Variants in FAM227B observed in about 807,000 individuals in gnomAD.
FAM227B encodes the protein protein FAM227B.
A neutral mutation model predicts 73.8 loss-of-function variants in FAM227B; 88 were observed. The observed-to-expected ratio is 1.19, with a 90% CI of 1.00 to 1.42. The LOEUF (loss-of-function observed/expected upper bound fraction) is 1.42, where lower values mean the gene tolerates loss of function less well. Ranked by LOEUF, FAM227B falls within the 40% of genes most tolerant of loss-of-function variation. The probability of loss-of-function intolerance (pLI) is 0.00; values close to 1 mark genes in which losing one functional copy is unlikely to be tolerated. For missense variants in FAM227B, 632 were observed against 590.9 expected (o/e 1.07, Z -0.72); for synonymous variants, 210 against 190.5 (o/e 1.10, Z -0.84).
rs760312729 is a variant in FAM227B at position 49,327,901 on chromosome 15, CCCT to C, written c.*664_*666del. ...TGTGTTCTACAAACACCAAGCAAAT[CCCT>C]TGTATTTTCATTTATAGGTTCTAAT... On this transcript the variant is annotated 3_prime_UTR_variant, in exon 16 of 16. Transcript: ENST00000299338. The C allele has an allele frequency of 6.5e-7, 1 of 1,549,240 alleles. No individual in the cohort carries two copies. Among genetic ancestry groups the C allele is most frequent in the African/African-American group, 1.4e-5 (1 of 72,950 alleles).
chr15:49,419,610 T>C (rs1315167364), intron 11 of FAM227B, among the ~76,000 whole-genome samples: 1 of 152,162 alleles, frequency 6.6e-6, no homozygotes, highest in Non-Finnish European at 1.5e-5. Context: ...CATATTATAA[T>C]GGCTTCCTAT....
intron 11 of FAM227B, among the ~76,000 whole-genome samples, chr15:49,383,602 C>G (rs1432914618): frequency 6.6e-6 from 1 of 151,882 alleles, no homozygotes; most frequent in Admixed American, 6.6e-5. Flanking sequence ...TGTAAAAATT[C>G]AAAAGTCCTG....
intron 11 of FAM227B, among the ~76,000 whole-genome samples, chr15:49,371,856 T>A (rs937879555): frequency 1.4e-5 from 2 of 142,700 alleles, no homozygotes; most frequent in Non-Finnish European, 3.1e-5. Flanking sequence ...AAAATTCACT[T>A]ATAAATAAAT....
chr15:49,439,567 A>G (rs2051436859), intron 11 of FAM227B, among the ~76,000 whole-genome samples: 1 of 151,798 alleles, frequency 6.6e-6, no homozygotes, highest in African/African-American at 2.4e-5. Context: ...CTAAGTACAC[A>G]TAAAATTAAG....
Position 49,589,908 on chromosome 15 carries a change from G to T in FAM227B, c.205C>A (p.His69Asn). 6.3e-7 allele frequency: 1 copy of T among 1,590,198 alleles called. No homozygotes were observed. The highest frequency in any genetic ancestry group is 8.6e-7 in the Non-Finnish European group (1 of 1,158,312). Residue 69 changes from histidine to asparagine, a missense_variant, in exon 4 of 16, where the codon CAC becomes AAC. Coordinates refer to ENST00000299338, the MANE Select transcript of FAM227B (RefSeq NM_152647.3). ...EDSSFVSIYT[H>N]LWENVPRIFE... ...ATTCGAGGAACATTTTCCCATAGGT[G>T]TGTATAAATTGAAACAAATGAACTA...
chr15:49,431,953 T>C (rs141707929), intron 11 of FAM227B, among the ~76,000 whole-genome samples: 295 of 151,726 alleles, frequency 1.9e-3, no homozygotes, highest in Non-Finnish European at 1.7e-3. Flanking sequence ...TACAGAGGGG[T>C]TGAAATGATA....
chr15:49,600,573 T>C (rs1454868791), intron 3 of FAM227B, among the ~76,000 whole-genome samples: 1 of 150,140 alleles, frequency 6.7e-6, no homozygotes, highest in Non-Finnish European at 1.5e-5. Context: ...GAGAATCTCT[T>C]GAACCCGGGA....
At chr15:49,338,221 G>C (rs1420582213) in intron 13 of FAM227B, among the ~76,000 whole-genome samples, 1 of 152,106 alleles carries the variant, frequency 6.6e-6, no homozygotes, top group Non-Finnish European at 1.5e-5. Context: ...TTTCTTTATA[G>C]CATTGATGGT....
intron 11 of FAM227B, among the ~76,000 whole-genome samples, chr15:49,479,599 G>GTTTTTTTTTTTTTTTTTTTT (rs56097665): frequency 4.7e-5 from 3 of 63,292 alleles, no homozygotes; most frequent in African/African-American, 1.9e-4. Context: ...TAATACCTCT[G>GTTTTTTTTTTTTTTTTTTTT]TTTTTTTTTT....
intron 13 of FAM227B, among the ~76,000 whole-genome samples, chr15:49,355,898 G>A (rs1293525720): frequency 3.9e-5 from 6 of 152,070 alleles, no homozygotes; most frequent in Non-Finnish European, 5.9e-5. Context: ...TCTCTCGGCA[G>A]AAACCCTACA....
chr15:49,383,043 T>C (rs1393167043), intron 11 of FAM227B, among the ~76,000 whole-genome samples: 2 of 152,148 alleles, frequency 1.3e-5, no homozygotes, highest in African/African-American at 4.8e-5. Context: ...CTGTCGTGCA[T>C]AAACATTTTG....
chr15:49,483,020 G>C (rs544715369), intron 11 of FAM227B: 4 of 678,490 alleles, frequency 5.9e-6, no homozygotes, highest in Admixed American at 4.1e-5. Flanking sequence ...AGGGGTCTTG[G>C]GCTGAGTAAA....
chr15:49,370,171 T>C (rs934959008), intron 12 of FAM227B, among the ~76,000 whole-genome samples: 2 of 152,182 alleles, frequency 1.3e-5, no homozygotes, highest in African/African-American at 4.8e-5. Flanking sequence ...CCATGGTATT[T>C]TGTTCTGGCA....
chr15:49,479,682 C>T (rs573219407), intron 11 of FAM227B, among the ~76,000 whole-genome samples: 4 of 128,620 alleles, frequency 3.1e-5, no homozygotes, highest in South Asian at 5.4e-4. Flanking sequence ...GGTGAAATCT[C>T]GGCTCACTGC....
intron 11 of FAM227B, among the ~76,000 whole-genome samples, chr15:49,459,243 T>C (rs1388429106): frequency 4.6e-5 from 7 of 152,200 alleles, no homozygotes; most frequent in Admixed American, 2.6e-4. Flanking sequence ...ATTTGTACAT[T>C]TGACTACTTT....
At chr15:49,449,965 T>G (rs919432163) in intron 11 of FAM227B, among the ~76,000 whole-genome samples, 3 of 152,080 alleles carry the variant, frequency 2.0e-5, no homozygotes, top group Non-Finnish European at 4.4e-5. Context: ...AAAGAAAATG[T>G]CATGCTCAAT....
At chr15:49,570,671 A>G (rs1403056720) in intron 8 of FAM227B, among the ~76,000 whole-genome samples, 1 of 151,270 alleles carries the variant, frequency 6.6e-6, no homozygotes, top group Admixed American at 6.6e-5. Flanking sequence ...TGCTGTTTCT[A>G]TGAGATTGAC....
At chr15:49,344,251 C>T (rs1321994811) in intron 13 of FAM227B, 1 of 152,100 alleles carries the variant, frequency 6.6e-6, no homozygotes, top group Admixed American at 6.6e-5. Flanking sequence ...AAATTATTTT[C>T]ATTTTTCTGT....
At chr15:49,551,929 C>G (rs1011840689) in intron 9 of FAM227B, among the ~76,000 whole-genome samples, 1 of 152,140 alleles carries the variant, frequency 6.6e-6, no homozygotes, top group Admixed American at 6.5e-5. Context: ...TTATATCTTA[C>G]TGTATTATGT....
Sources: gnomAD v4.1 joint callset for allele counts (sites outside exome capture counted in the v4.1 genomes callset) on GRCh38, gnomAD v4.1.1 for gene constraint, MANE v1.5 for transcripts, NCBI Gene and HGNC (gene_info 2026-07-23, HGNC 2026-07-21) for gene names.